ADAMTS9: variants seen among roughly 807,000 people sequenced by gnomAD.
The protein encoded by ADAMTS9 is ADAM metallopeptidase with thrombospondin type 1 motif 9.
Under a neutral mutation model 257.1 loss-of-function variants are expected in ADAMTS9, and 107 were observed. The observed-to-expected ratio is 0.42, with a 90% CI of 0.36 to 0.49. The LOEUF is 0.49. Ranked by LOEUF, ADAMTS9 falls within the 20% of genes least tolerant of loss-of-function variation. ADAMTS9 has a pLI of 0.03. For missense variants in ADAMTS9, 2,353 were observed against 2,469.1 expected (o/e 0.95, Z 1.00); for synonymous variants, 982 against 880.9 (o/e 1.11, Z -2.03).
Position 64,687,874 on chromosome 3 carries a change from C to T in ADAMTS9, c.-217G>A, listed in dbSNP as rs1269732169. 4.8e-6 allele frequency: 2 copies of T among 420,530 alleles called. No individual in the cohort carries two copies. The highest frequency in any genetic ancestry group is 4.3e-6 in the Non-Finnish European group (1 of 232,660). 26.0% of individuals were successfully genotyped at this position (420,530 alleles called of 1,614,324 possible). ...CTGCCGAGAGCTGAGCCGCTCGGGC[C>T]GCAGGAGGAGCCGGAGGAGCAGGAG... On this transcript the variant is annotated 5_prime_UTR_variant, in exon 1 of 40. Transcript: ENST00000498707. This position sits in a 1 kb window ranked among gnomAD's most constrained non-coding sequence, Gnocchi z 4.4.
intron 11 of ADAMTS9, 151 bp downstream of exon 11, chr3:64,647,789 C>G (rs752689870): frequency 1.8e-6 from 1 of 561,528 alleles, no homozygotes; most frequent in Non-Finnish European, 2.9e-6. Flanking sequence ...TTTTAATTGT[C>G]TAACTTCTAA....
intron 39 of ADAMTS9, among the ~76,000 whole-genome samples, chr3:64,518,393 G>C (rs1465771182): frequency 6.6e-6 from 1 of 152,156 alleles, no homozygotes; most frequent in African/African-American, 2.4e-5. Context: ...GGAAGATGCA[G>C]GTGGGTCACA....
At chr3:64,569,970 A>G (rs116136076) in intron 28 of ADAMTS9, among the ~76,000 whole-genome samples, 3,201 of 152,302 alleles carry the variant, frequency 0.021, 115 homozygotes, top group African/African-American at 0.073. Context: ...ATATAATTCT[A>G]GAAGGCTTTT....
chr3:64,550,934 C>T lies in ADAMTS9; in HGVS notation c.4827G>A (p.Leu1609=), dbSNP rs1559759043. Residue 1609 remains leucine (L), a synonymous_variant, in exon 31 of 40, where the codon TTG becomes TTA. Coordinates refer to ENST00000498707, the MANE Select transcript of ADAMTS9 (RefSeq NM_182920.2). ...KRPVDRESCS[L]QPCEYVWITG... is the part of the protein sequence containing the mutation. ...TGATCCAGACATACTCGCAGGGTTG[C>T]AAACTACAGCTTTCACGGTCCACCG... 8 of 1,614,170 alleles carry T rather than the reference C, an allele frequency of 5.0e-6. No homozygotes were observed. The highest frequency in any genetic ancestry group is 6.8e-6 in the Non-Finnish European group (8 of 1,180,006).
chr3:64,687,751 G>C lies in ADAMTS9; in HGVS notation c.-94C>G. 5 of 1,025,108 alleles carry C rather than the reference G, an allele frequency of 4.9e-6. No individual in the cohort carries two copies. Among genetic ancestry groups the C allele is most frequent in the Non-Finnish European group, 6.7e-6 (5 of 746,468 alleles). The allele number at this position is 1,025,108 out of a possible 1,614,324, so 63.5% of individuals were successfully genotyped here. A position where few individuals can be genotyped will look rare whatever the true frequency, so the allele number is the denominator to read the frequency against. ...ACGCGAGGCAGCGGCCGTGGAGAGCGCGCGGAGCCCGGCGCCCGCCGCCAA... is the reference window on the plus strand; with the variant it reads ...ACGCGAGGCAGCGGCCGTGGAGAGCCCGCGGAGCCCGGCGCCCGCCGCCAA... On this transcript the variant is annotated 5_prime_UTR_variant, in exon 1 of 40. Coordinates refer to ENST00000498707, the MANE Select transcript of ADAMTS9 (RefSeq NM_182920.2). This position sits in a 1 kb window ranked among gnomAD's most constrained non-coding sequence, Gnocchi z 4.4.
At chr3:64,594,089 T>C (rs190612157) in intron 28 of ADAMTS9, among the ~76,000 whole-genome samples, 169 bp downstream of exon 28, 35 of 152,002 alleles carry the variant, frequency 2.3e-4, no homozygotes, top group Admixed American at 1.0e-3. Flanking sequence ...GGCAATATCA[T>C]AAAAAGTTAA....
In ADAMTS9 at chr3:64,611,015, G is replaced by A. The variant is rs1009547081; in HGVS notation, c.3354+2330C>T. ...CGCTTGAACCCAGGAGGCAGAGGTT[G>A]CCATGAGCCGAGATGGCGCCACTGC... is the stretch of plus-strand genomic sequence containing the variant. On this transcript the variant is annotated intron_variant, in intron 22 of 39. Transcript: ENST00000498707. Among the ~76,000 whole-genome samples the A allele has an allele frequency of 2.0e-5, 3 of 148,076 alleles. No individual in the cohort carries two copies. The Admixed American group carries it at 2.1e-4, about 10-fold the overall frequency.
intron 32 of ADAMTS9, among the ~76,000 whole-genome samples, chr3:64,543,851 T>C (rs574231763): frequency 3.3e-5 from 5 of 152,350 alleles, no homozygotes; most frequent in South Asian, 2.1e-4. Context: ...GATGACATGA[T>C]TGTATATTTA....
At chr3:64,545,201 T>A (rs113480824) in intron 32 of ADAMTS9, among the ~76,000 whole-genome samples, 5 of 152,084 alleles carry the variant, frequency 3.3e-5, no homozygotes, top group African/African-American at 7.3e-5. Flanking sequence ...ACAGTGTGGC[T>A]ATTCCTCAAG....
rs1381861943 is a variant in ADAMTS9 at position 64,541,910 on chromosome 3, C to A, written c.5125G>T (p.Asp1709Tyr). The change falls in exon 33 of 40, where the codon GAC (aspartate) becomes TAC (tyrosine). Residue 1709 changes from aspartate to tyrosine, a missense_variant. Coordinates refer to ENST00000498707, the MANE Select transcript of ADAMTS9 (RefSeq NM_182920.2). ...GTGTGGCATAAGTGGCTGGGTTGGT[C>A]CTCATTGGTTAAACATTGCACAGAT... The part of the protein sequence containing the change: ...QRSVQCLTNE[D>Y]QPSHLCHTDL... 1 of 1,614,058 alleles carries A rather than the reference C, an allele frequency of 6.2e-7. No individual in the cohort carries two copies. The highest frequency in any genetic ancestry group is 8.5e-7 in the Non-Finnish European group (1 of 1,179,986).
intron 27 of ADAMTS9, among the ~76,000 whole-genome samples, chr3:64,595,023 A>C (rs1265507850): frequency 6.6e-6 from 1 of 152,112 alleles, no homozygotes; most frequent in Non-Finnish European, 1.5e-5. Context: ...TCCTGAGCTC[A>C]TGATCCTCCC....
intron 12 of ADAMTS9, among the ~76,000 whole-genome samples, chr3:64,635,234 G>T (rs1345071602): frequency 6.6e-6 from 1 of 152,142 alleles, no homozygotes; most frequent in African/African-American, 2.4e-5. Flanking sequence ...AAACGTACTT[G>T]CTCGATCAAA....
rs371558355 is a variant in ADAMTS9 at position 64,659,011 on chromosome 3, C to T, written c.680-220G>A. ...GGAAGCTTTCATACTTGCTCGCTTA[C>T]GGTATTAGAAAATCAGGCCCGAGCT... On this transcript the variant is annotated intron_variant, in intron 3 of 39. Transcript: ENST00000498707. Among the ~76,000 whole-genome samples, 9 of 152,258 alleles carry T rather than the reference C, an allele frequency of 5.9e-5. No individual in the cohort carries two copies. In the South Asian group the frequency reaches 1.2e-3, roughly 21 times the overall value.
At chr3:64,561,436 T>C in intron 30 of ADAMTS9, 142 bp downstream of exon 30, 1 of 868,452 alleles carries the variant, frequency 1.2e-6, no homozygotes, top group Non-Finnish European at 1.7e-6. Flanking sequence ...AATGCGCGAG[T>C]CTGACAGTGA....
In ADAMTS9 at chr3:64,602,005, G is replaced by A; in HGVS notation, c.3956C>T (p.Ala1319Val). The A allele has an allele frequency of 6.2e-7, 1 of 1,613,986 alleles. No individual in the cohort carries two copies. Among genetic ancestry groups the A allele is most frequent in the Non-Finnish European group, 8.5e-7 (1 of 1,179,942 alleles). ...FQNEDYRPRS[A>V]SPSRTHVLGG... ...GAGCACATGGGTGCGGCTGGGGCTG[G>A]CGCTCCGGGGACGATAGTCCTCATT... Residue 1319 changes from alanine to valine, a missense_variant, in exon 26 of 40, where the codon GCC becomes GTC. By Grantham distance (64) the Ala-to-Val change is moderately conservative. Transcript: ENST00000498707.
chr3:64,548,698 C>CT (rs2083233105), intron 31 of ADAMTS9, among the ~76,000 whole-genome samples: 1 of 152,138 alleles, frequency 6.6e-6, no homozygotes, highest in Non-Finnish European at 1.5e-5. Flanking sequence ...AAGAAGCTGG[C>CT]AAGAACAGAT....
intron 8 of ADAMTS9, among the ~76,000 whole-genome samples, chr3:64,654,005 A>C (rs374390451): frequency 6.6e-6 from 1 of 152,192 alleles, no homozygotes; most frequent in African/African-American, 2.4e-5. Context: ...TTAAATCAGG[A>C]AAGTTCTCTA....
intron 39 of ADAMTS9, among the ~76,000 whole-genome samples, chr3:64,518,012 G>T (rs2082802259): frequency 6.6e-6 from 1 of 152,142 alleles, no homozygotes; most frequent in African/African-American, 2.4e-5. Flanking sequence ...CCTAACCAGA[G>T]CTAAACAGAG....
intron 26 of ADAMTS9, among the ~76,000 whole-genome samples, chr3:64,601,726 T>C (rs1010196439): frequency 6.6e-6 from 1 of 152,028 alleles, no homozygotes; most frequent in African/African-American, 2.4e-5. Flanking sequence ...ATATCCCCTT[T>C]CTCCACCCAA....
Sources: allele counts gnomAD v4.1 joint callset (sites outside exome capture counted in the v4.1 genomes callset), GRCh38; gene constraint gnomAD v4.1.1; non-coding constraint Gnocchi (gnomAD v3.1); transcripts MANE v1.5; gene names NCBI Gene and HGNC (gene_info 2026-07-23, HGNC 2026-07-21).